The following PER2 variants were observed in gnomAD, a reference collection of about 807,000 sequenced individuals.
PER2 encodes period circadian protein homolog 2.
A neutral mutation model predicts 121.0 loss-of-function variants in PER2; 66 were observed. The ratio of observed to expected loss-of-function variants is 0.55; its 90% confidence interval spans 0.45 to 0.67. The LOEUF is 0.67. Among genes scored for constraint, PER2 ranks in the 30% least tolerant of loss-of-function variants. The probability of loss-of-function intolerance (pLI) is 0.00; values close to 1 mark genes in which losing one functional copy is unlikely to be tolerated. For synonymous variants in PER2, 684 were observed against 659.9 expected (o/e 1.04, Z -0.56); for missense variants, 1,521 against 1,635.0 (o/e 0.93, Z 1.20).
At chr2:238,287,779 C>G (rs764050239) in intron 1 of PER2, among the ~76,000 whole-genome samples, 1 of 152,150 alleles carries the variant, frequency 6.6e-6, no homozygotes, top group Non-Finnish European at 1.5e-5. Flanking sequence ...GTGTAGGTTA[C>G]AGAAACCCTG....
intron 1 of PER2, among the ~76,000 whole-genome samples, chr2:238,278,492 C>CCT (rs543695318): frequency 6.4e-4 from 98 of 152,288 alleles, no homozygotes; most frequent in African/African-American, 2.1e-3. Flanking sequence ...AGCCTCAGCC[C>CCT]GACATAGAGC....
In PER2 at chr2:238,268,819, G is replaced by GTCCC; in HGVS notation, c.824+100_824+103dup. ...TAGACTTCAGAAACAGGCGTGCTGA[G>GTCCC]TCCCTGCAGGCAGGGATCACGCCCC... On this transcript the variant is annotated intron_variant, in intron 7 of 22. Coordinates refer to ENST00000254657, the MANE Select transcript of PER2 (RefSeq NM_022817.3). This position sits in a 1 kb window ranked among gnomAD's most constrained non-coding sequence, Gnocchi z 4.0. The GTCCC allele has an allele frequency of 1.2e-6, 1 of 823,768 alleles. No individual in the cohort carries two copies. Among genetic ancestry groups the GTCCC allele is most frequent in the Non-Finnish European group, 2.1e-6 (1 of 467,924 alleles). 51.0% of individuals were successfully genotyped at this position (823,768 alleles called of 1,614,324 possible). A position where few individuals can be genotyped will look rare whatever the true frequency, so the allele number is the denominator to read the frequency against.
rs982243597 is a variant in PER2, at chr2:238,251,656, C to A, written c.3217G>T (p.Ala1073Ser). 12 of 1,614,228 alleles carry A rather than the reference C, an allele frequency of 7.4e-6. No individual in the cohort carries two copies. Among genetic ancestry groups the A allele is most frequent in the Admixed American group, 1.7e-5 (1 of 60,028 alleles). The part of the protein sequence containing the change: ...EDLCSASGSA[A>S]SESLGSGSLG... ...GAGCCGGAGCCCAGAGACTCCGAAG[C>A]AGCAGAGCCCGAGGCTGAGCAGAGG... is the stretch of plus-strand genomic sequence containing the variant. Residue 1073 changes from alanine (A) to serine (S), a missense_variant, in exon 20 of 23, where the codon GCT becomes TCT. By Grantham distance (99) the Ala-to-Ser change is moderately conservative (BLOSUM62 1). Transcript: ENST00000254657.
At chr2:238,276,859 T>G (rs1416196938) in intron 3 of PER2, among the ~76,000 whole-genome samples, 1 of 152,072 alleles carries the variant, frequency 6.6e-6, no homozygotes, top group African/African-American at 2.4e-5. Context: ...ATGTTCCAGA[T>G]GAAAATGCCC....
rs776229376 is a variant in PER2 at position 238,268,749 on chromosome 2, T to C, written c.824+174A>G. On this transcript the variant is annotated intron_variant, in intron 7 of 22. Coordinates refer to ENST00000254657, the MANE Select transcript of PER2 (RefSeq NM_022817.3). The surrounding 1 kb of genome is among the most constrained non-coding windows in gnomAD (Gnocchi z 4.0). ...AGCACTCCACTGCTGGCCGCATTCT[T>C]AGCGACCTGTACACATTTAAAATGT... Among the ~76,000 whole-genome samples the C allele has an allele frequency of 3.0e-4, 46 of 152,324 alleles. No individual in the cohort carries two copies. The highest frequency in any genetic ancestry group is 3.4e-3 in the Middle Eastern group (1 of 294).
intron 1 of PER2, among the ~76,000 whole-genome samples, chr2:238,281,253 C>T (rs1315614868): frequency 6.6e-6 from 1 of 152,118 alleles, no homozygotes; most frequent in East Asian, 1.9e-4. Context: ...CTGCCCACCT[C>T]GGCCTCCCAA....
chr2:238,259,504 G>T (rs537480913), intron 14 of PER2, among the ~76,000 whole-genome samples: 1 of 152,254 alleles, frequency 6.6e-6, no homozygotes, highest in Non-Finnish European at 1.5e-5. Context: ...CCCCACTTCA[G>T]ACAGGTTTGG....
chr2:238,248,848 G>A (rs988678114), intron 22 of PER2: 1 of 568,198 alleles, frequency 1.8e-6, no homozygotes, highest in African/African-American at 1.9e-5. Context: ...GTAGAGACGG[G>A]GTTTCACCGT....
chr2:238,297,744 G>A, the PER2 span, among the ~76,000 whole-genome samples: 1 of 152,198 alleles, frequency 6.6e-6, no homozygotes, highest in African/African-American at 2.4e-5. Context: ...ACTGCCATAG[G>A]TGCTGCCAGG....
rs777751360 is a variant in PER2 at position 238,268,152 on chromosome 2, T to C, written c.871A>G (p.Met291Val). 2.7e-5 allele frequency: 44 copies of C among 1,614,008 alleles called. No individual in the cohort carries two copies. Among genetic ancestry groups the C allele is most frequent in the Non-Finnish European group, 3.4e-5 (40 of 1,180,018 alleles). ...CGCACCTTGACCAGGTAGGGCGTCA[T>C]GCGGAAGGGGTGGTAGCGGATTTCA... ...ENEIRYHPFR[M>V]TPYLVKVRDQ... Residue 291 changes from methionine (M) to valine (V), a missense_variant, in exon 8 of 23, where the codon ATG becomes GTG. By Grantham distance (21) the Met-to-Val change is conservative. Coordinates refer to ENST00000254657, the MANE Select transcript of PER2 (RefSeq NM_022817.3). The surrounding 1 kb of genome is among the most constrained non-coding windows in gnomAD (Gnocchi z 4.0).
At chr2:238,263,680 T>C (rs1272993894) in intron 9 of PER2, among the ~76,000 whole-genome samples, 2 of 152,134 alleles carry the variant, frequency 1.3e-5, no homozygotes, top group African/African-American at 4.8e-5. Context: ...CCACCGACCA[T>C]TTCTTCTCCC....
upstream of PER2, chr2:238,290,025 T>A (rs568035318): frequency 6.6e-6 from 1 of 152,348 alleles, no homozygotes; most frequent in East Asian, 1.9e-4. Flanking sequence ...TGTTCTTCTT[T>A]ACCTGGACTC....
chr2:238,269,344 G>T (rs111494342), intron 6 of PER2, among the ~76,000 whole-genome samples: 1 of 143,792 alleles, frequency 7.0e-6, no homozygotes, highest in African/African-American at 2.6e-5. Flanking sequence ...CACTCACGGT[G>T]CACTGCTGCA....
chr2:238,246,504 GT>G lies in PER2; in HGVS notation c.3638del (p.Asn1213ThrfsTer35). 6.4e-7 allele frequency: 1 copy of G among 1,571,966 alleles called. No individual in the cohort carries two copies. The highest frequency in any genetic ancestry group is 8.8e-7 in the Non-Finnish European group (1 of 1,142,068). On this transcript the variant is annotated frameshift_variant, in exon 23 of 23. Transcript: ENST00000254657. LOFTEE classifies it low-confidence loss of function (END_TRUNC). ...IDVAECVYCENKEKGNICIPY... is the reference protein window; with the variant it reads ...IDVAECVYCEXKEKGNICIPY... ...GTATGCAAATATTACCTTTTTCCTT[GT>G]TTTCACAGTAAACACATTCCTTAAA...
chr2:238,246,218 G>T lies in PER2; in HGVS notation c.*157C>A. ...TCCCCACTCTCCACAGTTTTAAGTC[G>T]CCCCTTCAGAAAACTATGTTGTTTT... On this transcript the variant is annotated 3_prime_UTR_variant, in exon 23 of 23. Coordinates refer to ENST00000254657, the MANE Select transcript of PER2 (RefSeq NM_022817.3). 2.1e-6 allele frequency: 1 copy of T among 480,996 alleles called. No individual in the cohort carries two copies. Among genetic ancestry groups the T allele is most frequent in the Non-Finnish European group, 3.6e-6 (1 of 275,316 alleles). 29.8% of individuals were successfully genotyped at this position (480,996 alleles called of 1,614,324 possible). A position where few individuals can be genotyped will look rare whatever the true frequency, so the allele number is the denominator to read the frequency against.
At chr2:238,249,252 C>T in intron 21 of PER2, 40 bp from the exon 22 acceptor site, 1 of 1,574,460 alleles carries the variant, frequency 6.4e-7, no homozygotes, top group Non-Finnish European at 8.7e-7. Context: ...TTTCAAATGT[C>T]TTAAGGGTAT....
chr2:238,279,275 T>C, intron 1 of PER2, among the ~76,000 whole-genome samples: 1 of 152,110 alleles, frequency 6.6e-6, no homozygotes, highest in Admixed American at 6.5e-5. Flanking sequence ...GCTGTGAGGC[T>C]CTGGGGTGAT....
intron 4 of PER2, among the ~76,000 whole-genome samples, chr2:238,274,685 C>A (rs568615621): frequency 1.3e-5 from 2 of 152,354 alleles, no homozygotes; most frequent in South Asian, 4.1e-4. Context: ...TCCACAGGCA[C>A]GCAGGCCCAG....
chr2:238,280,318 C>G (rs916897451), intron 1 of PER2, among the ~76,000 whole-genome samples: 1 of 152,200 alleles, frequency 6.6e-6, no homozygotes, highest in African/African-American at 2.4e-5. Flanking sequence ...AGAATCCACC[C>G]ACATCAGTGT....
Sources: gnomAD v4.1 joint callset for allele counts (sites outside exome capture counted in the v4.1 genomes callset) on GRCh38, gnomAD v4.1.1 for gene constraint, Gnocchi (gnomAD v3.1) non-coding constraint, MANE v1.5 for transcripts, NCBI Gene and HGNC (gene_info 2026-07-23, HGNC 2026-07-21) for gene names.